The following DYM variants were observed in gnomAD, a reference collection of about 807,000 sequenced individuals.
DYM encodes dyggve-Melchior-Clausen syndrome protein.
Under a neutral mutation model 93.1 loss-of-function variants are expected in DYM, and 78 were observed. The ratio of observed to expected loss-of-function variants is 0.84; its 90% CI spans 0.70 to 1.01. The LOEUF (loss-of-function observed/expected upper bound fraction) is 1.01. Ranked by LOEUF, DYM falls within the 50% of genes least tolerant of loss-of-function variation. DYM has a pLI of 0.00. For missense variants in DYM, 789 were observed against 845.0 expected (o/e 0.93, Z 0.82); for synonymous variants, 321 against 319.7 (o/e 1.00, Z -0.04).
intron 13 of DYM, among the ~76,000 whole-genome samples, chr18:49,232,325 G>C (rs1324241743): frequency 7.0e-6 from 1 of 142,014 alleles, no homozygotes; most frequent in Non-Finnish European, 1.5e-5. Context: ...TTTTCTTTTT[G>C]AGAAGGGGTC....
chr18:49,075,259 G>A (rs965835877), intron 17 of DYM, among the ~76,000 whole-genome samples: 10 of 152,268 alleles, frequency 6.6e-5, no homozygotes, highest in African/African-American at 2.4e-4. Context: ...CCATCAACAT[G>A]AGTCTCAATA....
intron 15 of DYM, among the ~76,000 whole-genome samples, chr18:49,132,498 A>T (rs181103769): frequency 6.6e-6 from 1 of 152,270 alleles, no homozygotes; most frequent in Non-Finnish European, 1.5e-5. Flanking sequence ...GGTTGGGTTC[A>T]TATGGTTTTA....
chr18:49,302,962 A>T (rs1299845553), intron 8 of DYM, among the ~76,000 whole-genome samples: 2 of 152,244 alleles, frequency 1.3e-5, no homozygotes, highest in African/African-American at 2.4e-5. Flanking sequence ...TAACAGGCCT[A>T]AATTCAATCT....
At chr18:49,066,524 C>A (rs961310441) in intron 17 of DYM, among the ~76,000 whole-genome samples, 1 of 152,188 alleles carries the variant, frequency 6.6e-6, no homozygotes, top group African/African-American at 2.4e-5. Flanking sequence ...CTGATGGACA[C>A]TGGGTTGTTT....
At chr18:49,251,848 C>G (rs1354297151) in intron 13 of DYM, among the ~76,000 whole-genome samples, 3 of 152,058 alleles carry the variant, frequency 2.0e-5, no homozygotes, top group Admixed American at 2.0e-4. Flanking sequence ...TCTGCCAGTA[C>G]AGTGAAGGAG....
chr18:49,154,252 A>G (rs2086134452), intron 15 of DYM, among the ~76,000 whole-genome samples: 1 of 152,214 alleles, frequency 6.6e-6, no homozygotes, highest in Admixed American at 6.5e-5. Flanking sequence ...ATAGGCATTA[A>G]TGTTAAAATT....
chr18:49,099,490 A>C (rs1331445482), intron 16 of DYM, among the ~76,000 whole-genome samples: 1 of 152,206 alleles, frequency 6.6e-6, no homozygotes, highest in Non-Finnish European at 1.5e-5. Flanking sequence ...ATGTGCTTGC[A>C]ATATATGTTC....
rs564292574 is a variant in DYM at position 49,089,067 on chromosome 18, G to A, written c.2025+8335C>T. Among the ~76,000 whole-genome samples the A allele has an allele frequency of 1.5e-4, 23 of 152,232 alleles. No individual in the cohort carries two copies. In the South Asian group the frequency reaches 4.8e-3, roughly 32 times the overall value. On this transcript the variant is annotated intron_variant, in intron 17 of 17. Transcript: ENST00000675505. ...CCTGCCTCAGCCTCTCAAACTGCTG[G>A]GATTACAGGTATGAGTCACTGCACC...
chr18:49,131,134 T>C (rs568541460), intron 15 of DYM, among the ~76,000 whole-genome samples: 93 of 152,218 alleles, frequency 6.1e-4, no homozygotes, highest in Middle Eastern at 3.4e-3. Flanking sequence ...ACAGACAAAA[T>C]GCTAACCCGA....
At chr18:49,441,108 A>ATATATTATATATAT (rs1221239050) in intron 1 of DYM, among the ~76,000 whole-genome samples, 2 of 7,200 alleles carry the variant, frequency 2.8e-4, no homozygotes, top group African/African-American at 6.3e-4. Flanking sequence ...AATATATATT[A>ATATATTATATATAT]ATATAAATAT....
Position 49,038,363 on chromosome 18 carries a change from T to G in DYM, c.*5692A>C, listed in dbSNP as rs1479564813. On this transcript the variant is annotated 3_prime_UTR_variant, in exon 18 of 18. Transcript: ENST00000675505. ...CTATCAAATTTTCTTTTACATATTT[T>G]GAGTTTATATTTTAAGTGCATATAA... Among the ~76,000 whole-genome samples, 1 of 152,252 alleles carries G rather than the reference T, an allele frequency of 6.6e-6. No homozygotes were observed. Among genetic ancestry groups the G allele is most frequent in the African/African-American group, 2.4e-5 (1 of 41,466 alleles).
intron 17 of DYM, among the ~76,000 whole-genome samples, chr18:49,092,004 G>A (rs1032005872): frequency 2.0e-5 from 3 of 152,120 alleles, no homozygotes; most frequent in African/African-American, 7.2e-5. Flanking sequence ...TTTAAAAAAA[G>A]AAAACAGAAT....
intron 6 of DYM, among the ~76,000 whole-genome samples, chr18:49,350,762 G>A (rs560806543): frequency 2.4e-4 from 36 of 150,422 alleles, no homozygotes; most frequent in African/African-American, 6.8e-4. Context: ...CTTTTTATGC[G>A]GTATGCTATG....
At chr18:49,180,543 T>C (rs2089829526) in intron 14 of DYM, among the ~76,000 whole-genome samples, 1 of 152,164 alleles carries the variant, frequency 6.6e-6, no homozygotes, top group South Asian at 2.1e-4. Flanking sequence ...TGATAAATGA[T>C]TGTAAATTTT....
intron 17 of DYM, among the ~76,000 whole-genome samples, chr18:49,073,033 T>A (rs1199662232): frequency 6.6e-6 from 1 of 152,202 alleles, no homozygotes; most frequent in Non-Finnish European, 1.5e-5. Flanking sequence ...AGTTTTGATT[T>A]AGAGTTGGGA....
intron 17 of DYM, among the ~76,000 whole-genome samples, chr18:49,061,247 T>C (rs547591052): frequency 2.0e-5 from 3 of 152,030 alleles, no homozygotes; most frequent in South Asian, 2.1e-4. Context: ...ACTGGAAGCA[T>C]CAAGAAAGGC....
At chr18:49,111,065 G>C (rs1050987483) in intron 16 of DYM, among the ~76,000 whole-genome samples, 10 of 151,910 alleles carry the variant, frequency 6.6e-5, no homozygotes, top group African/African-American at 2.4e-4. Context: ...TCTCTCTCTG[G>C]AACTGTTTAT....
rs1401884289 is a variant in DYM at position 49,272,052 on chromosome 18, A to AT, written c.1251+125dup. ...CCGCTTCATAAATCTGAAGAAAGACATAACATTTCTAATACAGGTTCTCAC... is the reference window on the plus strand; with the variant it reads ...CCGCTTCATAAATCTGAAGAAAGACATTAACATTTCTAATACAGGTTCTCAC... On this transcript the variant is annotated intron_variant, in intron 11 of 17. Transcript: ENST00000675505. 1.3e-5 allele frequency: 10 copies of AT among 794,152 alleles called. No homozygotes were observed. The East Asian group carries it at 2.3e-4, about 19-fold the overall frequency. The allele number at this position is 794,152 out of a possible 1,614,324, so 49.2% of individuals were successfully genotyped here.
At chr18:49,413,838 C>T (rs575629342) in intron 2 of DYM, among the ~76,000 whole-genome samples, 11 of 152,112 alleles carry the variant, frequency 7.2e-5, no homozygotes, top group East Asian at 5.8e-4. Context: ...GGTGAAACCC[C>T]GTCTCCACTA....
Sources: allele counts gnomAD v4.1 joint callset (sites outside exome capture counted in the v4.1 genomes callset), GRCh38; gene constraint gnomAD v4.1.1; transcripts MANE v1.5; gene names NCBI Gene and HGNC (gene_info 2026-07-23, HGNC 2026-07-21).